The following CACNB4 variants were observed in gnomAD, a reference collection of about 807,000 sequenced individuals.
The protein encoded by CACNB4 is calcium voltage-gated channel auxiliary subunit beta 4, also known as voltage-dependent L-type calcium channel subunit beta-4.
Under a neutral mutation model 71.2 loss-of-function variants are expected in CACNB4, and 32 were observed. That is an observed-to-expected ratio of 0.45 (90% CI 0.34 to 0.60). The LOEUF (loss-of-function observed/expected upper bound fraction) is 0.60. Among genes scored for constraint, CACNB4 ranks in the 20% least tolerant of loss-of-function variants. The probability of loss-of-function intolerance (pLI) is 0.01; values close to 1 mark genes in which losing one functional copy is unlikely to be tolerated. For missense variants in CACNB4, 464 were observed against 647.9 expected (o/e 0.72, Z 3.08); for synonymous variants, 231 against 236.9 (o/e 0.97, Z 0.23).
At chr2:152,057,220 C>T (rs1275115220) in intron 2 of CACNB4, among the ~76,000 whole-genome samples, 1 of 152,128 alleles carries the variant, frequency 6.6e-6, no homozygotes, top group Non-Finnish European at 1.5e-5. Context: ...CCTTAAGGAA[C>T]TGAATGCTGT....
chr2:151,953,687 G>A (rs1467017777), intron 2 of CACNB4, among the ~76,000 whole-genome samples: 4 of 152,242 alleles, frequency 2.6e-5, no homozygotes, highest in African/African-American at 9.6e-5. Flanking sequence ...CCCTCCTGGT[G>A]GTTTCAAATG....
At chr2:151,995,403 A>G (rs1256440370) in intron 2 of CACNB4, among the ~76,000 whole-genome samples, 2 of 152,252 alleles carry the variant, frequency 1.3e-5, no homozygotes, top group Non-Finnish European at 2.9e-5. Flanking sequence ...AGCAGAATAC[A>G]TTAGATTTAA....
intron 2 of CACNB4, among the ~76,000 whole-genome samples, chr2:151,954,921 T>A (rs549609791): frequency 7.1e-6 from 1 of 141,826 alleles, no homozygotes; most frequent in East Asian, 2.1e-4. Context: ...TGGGGCGATC[T>A]CAGCTCACTG....
intron 2 of CACNB4, among the ~76,000 whole-genome samples, chr2:151,935,414 C>T (rs1460693524): frequency 6.6e-6 from 1 of 152,198 alleles, no homozygotes; most frequent in African/African-American, 2.4e-5. Flanking sequence ...CATCAAAGCC[C>T]TTAGCATGAG....
intron 2 of CACNB4, among the ~76,000 whole-genome samples, chr2:152,020,938 A>G (rs937436350): frequency 6.6e-6 from 1 of 152,222 alleles, no homozygotes; most frequent in African/African-American, 2.4e-5. Flanking sequence ...CTCGGAAACT[A>G]CTAGCACAGA....
intron 2 of CACNB4, among the ~76,000 whole-genome samples, chr2:152,030,286 T>C (rs1684212847): frequency 6.6e-6 from 1 of 152,206 alleles, no homozygotes; most frequent in South Asian, 2.1e-4. Context: ...TACTTGGACA[T>C]TTTTCATGCT....
At chr2:152,066,179 A>G (rs1218951993) in intron 2 of CACNB4, among the ~76,000 whole-genome samples, 1 of 152,168 alleles carries the variant, frequency 6.6e-6, no homozygotes, top group Non-Finnish European at 1.5e-5. Flanking sequence ...ATAATCAGAC[A>G]GCACCTTGCC....
chr2:152,085,852 G>A (rs1687634739), intron 2 of CACNB4, among the ~76,000 whole-genome samples: 2 of 148,600 alleles, frequency 1.3e-5, no homozygotes, highest in Non-Finnish European at 3.0e-5. Flanking sequence ...AGCAGTGAAT[G>A]TACTGAATGC....
At chr2:151,928,917 GAA>G (rs58646253) in intron 2 of CACNB4, among the ~76,000 whole-genome samples, 1 of 136,712 alleles carries the variant, frequency 7.3e-6, no homozygotes, top group Non-Finnish European at 1.6e-5. Context: ...GTCTCAAAAA[GAA>G]AAAAAAAAAA....
chr2:151,841,588 TA>T (rs1035479248), intron 13 of CACNB4: 19 of 279,458 alleles, frequency 6.8e-5, no homozygotes, highest in East Asian at 3.2e-4. Flanking sequence ...ACTATGTCTC[TA>T]AAAAAAAGTA....
At position 152,023,286 on chromosome 2, in the gene CACNB4, G is replaced by C. The variant is rs183544884; in HGVS notation, c.147+75044C>G. Among the ~76,000 whole-genome samples the C allele has an allele frequency of 2.6e-5, 4 of 152,204 alleles. No individual in the cohort carries two copies. The East Asian group carries it at 7.7e-4, about 29-fold the overall frequency. ...TCCCACCAGGCCCTGCCCTCAACAC[G>C]TGGGGATTATGGGGATTACAATTCG... On this transcript the variant is annotated intron_variant, in intron 2 of 13. Transcript: ENST00000539935.
chr2:151,927,680 C>T (rs761575479), intron 2 of CACNB4, among the ~76,000 whole-genome samples: 1 of 152,204 alleles, frequency 6.6e-6, no homozygotes, highest in Non-Finnish European at 1.5e-5. Flanking sequence ...GGTGAGTCAG[C>T]GCAATTGCGT....
chr2:151,869,477 ACCCTCTT>A (rs749199823), intron 8 of CACNB4: 67 of 397,914 alleles, frequency 1.7e-4, no homozygotes, highest in South Asian at 2.4e-4. Flanking sequence ...TGTTCACCAG[ACCCTCTT>A]CCCTCTTCCC....
Position 152,098,608 on chromosome 2 carries a change from G to C in CACNB4, c.64-195C>G, listed in dbSNP as rs543196815. On this transcript the variant is annotated intron_variant, in intron 1 of 13. Coordinates refer to ENST00000539935, the MANE Select transcript of CACNB4 (RefSeq NM_000726.5). The surrounding 1 kb of genome is among the most constrained non-coding windows in gnomAD (Gnocchi z 5.3). ...CACTGCAAGCCTCGACTGCTGAAAA[G>C]ATGCTCGAGAAGAGCAGCCCGCAAG... The C allele has an allele frequency of 5.7e-4, 383 of 674,608 alleles. 4 individuals are homozygous for C. Among genetic ancestry groups the C allele is most frequent in the South Asian group, 5.4e-3 (367 of 67,822 alleles). The allele number at this position is 674,608 out of a possible 1,614,324, so 41.8% of individuals were successfully genotyped here. A position where few individuals can be genotyped will look rare whatever the true frequency, so the allele number is the denominator to read the frequency against.
intron 2 of CACNB4, among the ~76,000 whole-genome samples, chr2:151,994,162 ACT>A (rs934920802): frequency 2.0e-5 from 3 of 150,300 alleles, no homozygotes; most frequent in Non-Finnish European, 3.0e-5. Context: ...AGAGAGAAAG[ACT>A]CTGTTTCTTA....
chr2:151,892,222 C>A (rs553172842), intron 2 of CACNB4, among the ~76,000 whole-genome samples: 4 of 152,230 alleles, frequency 2.6e-5, no homozygotes, highest in African/African-American at 7.2e-5. Flanking sequence ...TCTCACATGG[C>A]CCCCAGAGTG....
chr2:151,877,524 A>G (rs1194605799), intron 4 of CACNB4, among the ~76,000 whole-genome samples: 1 of 152,230 alleles, frequency 6.6e-6, no homozygotes, highest in East Asian at 1.9e-4. Context: ...CAAGACAGAT[A>G]TGTCTGAGAT....
At chr2:151,847,775 A>C (rs777962697) in intron 12 of CACNB4, among the ~76,000 whole-genome samples, 2 of 152,192 alleles carry the variant, frequency 1.3e-5, no homozygotes, top group Non-Finnish European at 2.9e-5. Flanking sequence ...AGTCCCAGCT[A>C]CTTGGGAGGC....
At chr2:152,006,767 C>G (rs1174920007) in intron 2 of CACNB4, among the ~76,000 whole-genome samples, 1 of 152,142 alleles carries the variant, frequency 6.6e-6, no homozygotes, top group Non-Finnish European at 1.5e-5. Flanking sequence ...TCATACGAAC[C>G]CTACATACCA....
Sources: gnomAD v4.1 joint callset for allele counts (sites outside exome capture counted in the v4.1 genomes callset) on GRCh38, gnomAD v4.1.1 for gene constraint, Gnocchi (gnomAD v3.1) non-coding constraint, MANE v1.5 for transcripts, NCBI Gene and HGNC (gene_info 2026-07-23, HGNC 2026-07-21) for gene names.